KIF13A: variants seen among roughly 807,000 people sequenced by gnomAD.
KIF13A encodes kinesin-like protein KIF13A.
KIF13A carries 79 observed loss-of-function variants against 212.2 expected under a neutral mutation model. The observed-to-expected ratio is 0.37, with a 90% CI of 0.31 to 0.45. KIF13A has a LOEUF of 0.45. Ranked by LOEUF, KIF13A falls within the 20% of genes least tolerant of loss-of-function variation. KIF13A has a pLI of 1.00. For missense variants in KIF13A, 1,901 were observed against 2,209.0 expected (o/e 0.86, Z 2.79); for synonymous variants, 789 against 808.6 (o/e 0.98, Z 0.41).
rs944233502 is a variant in KIF13A, at chr6:17,926,169, A to G, written c.147-27989T>C. On this transcript the variant is annotated intron_variant, in intron 2 of 38. Transcript: ENST00000259711. This position sits in a 1 kb window ranked among gnomAD's most constrained non-coding sequence, Gnocchi z 4.3. ...CATTGCTTATCTTGTATTAATATATAGAGTGACCAACATTCAGTTCTTGTA... is the reference window on the plus strand; with the variant it reads ...CATTGCTTATCTTGTATTAATATATGGAGTGACCAACATTCAGTTCTTGTA... 1.3e-5 allele frequency among the ~76,000 whole-genome samples: 2 copies of G among 151,882 alleles called. No homozygotes were observed. The highest frequency in any genetic ancestry group is 1.3e-4 in the Admixed American group (2 of 15,274).
chr6:17,794,955 T>C lies in KIF13A; in HGVS notation c.2943-251A>G, dbSNP rs1017989086. The C allele has an allele frequency of 4.8e-6, 2 of 419,474 alleles. No individual in the cohort carries two copies. Among genetic ancestry groups the C allele is most frequent in the Non-Finnish European group, 8.4e-6 (2 of 237,294 alleles). 26.0% of individuals were successfully genotyped at this position (419,474 alleles called of 1,614,324 possible). ...CGATGAGTTTTGAGAAATGCACATA[T>C]GAGTGTAACCTGCCCTATCACCTCA... On this transcript the variant is annotated intron_variant, in intron 23 of 38. Transcript: ENST00000259711. The surrounding 1 kb of genome is among the most constrained non-coding windows in gnomAD (Gnocchi z 4.1).
chr6:17,780,798 G>C lies in KIF13A; in HGVS notation c.3778C>G (p.Leu1260Val). 1.9e-6 allele frequency: 3 copies of C among 1,614,002 alleles called. No individual in the cohort carries two copies. Among genetic ancestry groups the C allele is most frequent in the Non-Finnish European group, 2.5e-6 (3 of 1,179,862 alleles). Residue 1260 changes from leucine to valine, a missense_variant, in exon 31 of 39, where the codon CTC (leucine) becomes GTC (valine). Physicochemically the swap from Leu to Val is conservative, Grantham distance 32. Transcript: ENST00000259711. The part of the protein sequence containing the change: ...IYLIVKTTVQ[L>V]SHPAAMELVL... ...AACTCCATAGCAGCAGGGTGGCTGA[G>C]TTGAACTGTGGTTTTCACAATTAGG...
intron 2 of KIF13A, among the ~76,000 whole-genome samples, chr6:17,948,281 A>G (rs1002828756): frequency 6.6e-6 from 1 of 152,232 alleles, no homozygotes; most frequent in Non-Finnish European, 1.5e-5. Context: ...GTTAATTGTC[A>G]CTGAGTAGTC....
At chr6:17,848,620 C>T (rs1299488081) in intron 9 of KIF13A, among the ~76,000 whole-genome samples, 3 of 123,428 alleles carry the variant, frequency 2.4e-5, no homozygotes, top group Non-Finnish European at 4.7e-5. Flanking sequence ...GGCTGGAGTA[C>T]AGGGGAGCAA....
chr6:17,951,543 G>A lies in KIF13A; in HGVS notation c.146+35511C>T, dbSNP rs1777847031. The A allele has an allele frequency of 4.7e-6, 2 of 425,542 alleles. No individual in the cohort carries two copies. The highest frequency in any genetic ancestry group is 1.2e-4 in the South Asian group (2 of 16,076). The allele number at this position is 425,542 out of a possible 1,614,324, so 26.4% of individuals were successfully genotyped here. On this transcript the variant is annotated intron_variant, in intron 2 of 38. Transcript: ENST00000259711. The surrounding 1 kb of genome is among the most constrained non-coding windows in gnomAD (Gnocchi z 4.9). ...TTTAGCATATTCACAGAGTTATGTGGCTATCACCACAACTGCAGAACATTC... is the reference window on the plus strand; with the variant it reads ...TTTAGCATATTCACAGAGTTATGTGACTATCACCACAACTGCAGAACATTC...
rs563803846 is a variant in KIF13A, at chr6:17,816,104, A to C, written c.2000+916T>G. Among the ~76,000 whole-genome samples the C allele has an allele frequency of 1.7e-4, 26 of 151,268 alleles. No individual in the cohort carries two copies. Among genetic ancestry groups the C allele is most frequent in the Admixed American group, 1.3e-4 (2 of 15,182 alleles). On this transcript the variant is annotated intron_variant, in intron 17 of 38. Coordinates refer to ENST00000259711, the MANE Select transcript of KIF13A (RefSeq NM_022113.6). The surrounding 1 kb of genome is among the most constrained non-coding windows in gnomAD (Gnocchi z 4.3). ...TCTTTTTTTTCTGTATTTTTAGTAG[A>C]GACAGGGTTTCACCATGTTGGCCAG...
rs573373422 is a variant in KIF13A, at chr6:17,916,026, G to A, written c.147-17846C>T. On this transcript the variant is annotated intron_variant, in intron 2 of 38. Transcript: ENST00000259711. ...GTCTATTACAAATGAGATTTTAGGA[G>A]GCATGCTAACTGGGCAGGATGGCGT... 3.9e-5 allele frequency among the ~76,000 whole-genome samples: 6 copies of A among 152,230 alleles called. No individual in the cohort carries two copies. The South Asian group carries it at 1.2e-3, about 32-fold the overall frequency.
intron 2 of KIF13A, among the ~76,000 whole-genome samples, chr6:17,939,595 T>G (rs984575122): frequency 6.6e-6 from 1 of 152,106 alleles, no homozygotes; most frequent in Non-Finnish European, 1.5e-5. Context: ...CAGGATGAGG[T>G]AGGCGGTCTG....
intron 38 of KIF13A, among the ~76,000 whole-genome samples, chr6:17,767,317 C>T (rs1333045573): frequency 2.0e-5 from 3 of 151,432 alleles, no homozygotes; most frequent in South Asian, 2.1e-4. Flanking sequence ...TGCAATGGCG[C>T]GATCTTGGAT....
At chr6:17,833,530 C>A (rs1192245698) in intron 12 of KIF13A, among the ~76,000 whole-genome samples, 1 of 145,680 alleles carries the variant, frequency 6.9e-6, no homozygotes, top group African/African-American at 2.5e-5. Context: ...GTGATCTTTG[C>A]AATCTCTGGT....
intron 2 of KIF13A, among the ~76,000 whole-genome samples, chr6:17,942,654 A>T (rs1561787242): frequency 6.6e-6 from 1 of 152,142 alleles, no homozygotes; most frequent in Non-Finnish European, 1.5e-5. Context: ...TCTCTTATAA[A>T]CAGGCTTGGC....
chr6:17,836,637 C>T (rs1375737573), intron 11 of KIF13A, among the ~76,000 whole-genome samples: 2 of 152,124 alleles, frequency 1.3e-5, no homozygotes, highest in African/African-American at 4.8e-5. Flanking sequence ...CATGGTTCCA[C>T]AGGCTGTATG....
chr6:17,937,375 A>T (rs771396621), intron 2 of KIF13A, among the ~76,000 whole-genome samples: 1 of 152,168 alleles, frequency 6.6e-6, no homozygotes. Flanking sequence ...GGTTGCATTG[A>T]TCTCGGCAGT....
At position 17,787,703 on chromosome 6, in the gene KIF13A, G is replaced by T; in HGVS notation, c.3361+73C>A. On this transcript the variant is annotated intron_variant, in intron 27 of 38. Coordinates refer to ENST00000259711, the MANE Select transcript of KIF13A (RefSeq NM_022113.6). This position sits in a 1 kb window ranked among gnomAD's most constrained non-coding sequence, Gnocchi z 4.6. Reference sequence around the variant, plus strand: ...ATAAGATACTACTGTCCAGTTAGGGGAAGAAAACGACCTACTGCCATTGTG... The same window carrying T: ...ATAAGATACTACTGTCCAGTTAGGGTAAGAAAACGACCTACTGCCATTGTG... The T allele has an allele frequency of 1.2e-6, 1 of 857,592 alleles. No homozygotes were observed. The highest frequency in any genetic ancestry group is 2.0e-6 in the Non-Finnish European group (1 of 499,840). 53.1% of individuals were successfully genotyped at this position (857,592 alleles called of 1,614,324 possible).
rs1294184174 is a variant in KIF13A at position 17,764,577 on chromosome 6, CTTTG to C, written c.4947_4950del (p.Asn1649LysfsTer3). On this transcript the variant is annotated frameshift_variant, in exon 39 of 39. Transcript: ENST00000259711. LOFTEE classifies it low-confidence loss of function (END_TRUNC). This position sits in a 1 kb window ranked among gnomAD's most constrained non-coding sequence, Gnocchi z 5.1. ...AAGCCTTTTTCGACTTCTGTCAACT[CTTTG>C]TTTGAGGACGGCCTGAAATCATGCA... The C allele has an allele frequency of 7.4e-6, 12 of 1,613,820 alleles. No individual in the cohort carries two copies. The highest frequency in any genetic ancestry group is 2.2e-5 in the East Asian group (1 of 44,882).
chr6:17,784,139 G>A (rs1760843654), intron 28 of KIF13A, among the ~76,000 whole-genome samples: 1 of 152,218 alleles, frequency 6.6e-6, no homozygotes, highest in African/African-American at 2.4e-5. Flanking sequence ...CTGGCCCAGG[G>A]ATGGGCATGG....
chr6:17,928,193 G>C (rs749622000), intron 2 of KIF13A, among the ~76,000 whole-genome samples: 2 of 152,330 alleles, frequency 1.3e-5, no homozygotes, highest in South Asian at 2.1e-4. Context: ...ATCAGACTTT[G>C]CACAGTACAG....
At chr6:17,937,204 TGGAAA>T (rs1776543325) in intron 2 of KIF13A, among the ~76,000 whole-genome samples, 1 of 152,136 alleles carries the variant, frequency 6.6e-6, no homozygotes. Context: ...CATACATAAA[TGGAAA>T]GGAAGTCTGG....
intron 2 of KIF13A, among the ~76,000 whole-genome samples, chr6:17,952,070 G>A (rs1272543773): frequency 4.6e-5 from 7 of 152,012 alleles, no homozygotes; most frequent in East Asian, 1.9e-4. Flanking sequence ...TTGGGAGGCC[G>A]AGGTGGGCAG....
Sources: allele counts gnomAD v4.1 joint callset (sites outside exome capture counted in the v4.1 genomes callset), GRCh38; gene constraint gnomAD v4.1.1; non-coding constraint Gnocchi (gnomAD v3.1); transcripts MANE v1.5; gene names NCBI Gene and HGNC (gene_info 2026-07-23, HGNC 2026-07-21).